DPP6: variants seen among roughly 807,000 people sequenced by gnomAD.
DPP6 encodes the protein dipeptidyl peptidase like 6.
Under a neutral mutation model 122.6 loss-of-function variants are expected in DPP6, and 69 were observed. The observed-to-expected ratio is 0.56, with a 90% CI of 0.46 to 0.69. The LOEUF is 0.69. Among genes scored for constraint, DPP6 ranks in the 30% least tolerant of loss-of-function variants. DPP6 has a pLI of 0.00. For synonymous variants in DPP6, 418 were observed against 433.1 expected (o/e 0.97, Z 0.43); for missense variants, 928 against 1,116.9 (o/e 0.83, Z 2.41).
At chr7:154,469,850 T>TG (rs1465754864) in intron 2 of DPP6, among the ~76,000 whole-genome samples, 1 of 152,238 alleles carries the variant, frequency 6.6e-6, no homozygotes, top group African/African-American at 2.4e-5. Context: ...ATGTGTTTCC[T>TG]GCATTCTCAT....
At chr7:154,056,616 A>G (rs1800837731) in intron 1 of DPP6, among the ~76,000 whole-genome samples, 1 of 152,204 alleles carries the variant, frequency 6.6e-6, no homozygotes, top group Non-Finnish European at 1.5e-5. Flanking sequence ...TGTGATGACA[A>G]CAGGATTTTA....
Position 154,603,843 on chromosome 7 carries a change from G to A in DPP6, c.628-33978G>A, listed in dbSNP as rs1833502245. ...GTCAAAAAATGCCCAACTAATCTATGAAAATAAAAGTCAGGTTCGGATGTA... is the reference window on the plus strand; with the variant it reads ...GTCAAAAAATGCCCAACTAATCTATAAAAATAAAAGTCAGGTTCGGATGTA... On this transcript the variant is annotated intron_variant, in intron 5 of 25. Transcript: ENST00000377770. Among the ~76,000 whole-genome samples the A allele has an allele frequency of 1.7e-5, 2 of 117,936 alleles. 1 individual carries two copies. The highest frequency in any genetic ancestry group is 2.0e-4 in the Admixed American group (2 of 10,226). The allele number at this position is 117,936 out of a possible 152,430, so 77.4% of individuals were successfully genotyped here. A position where few individuals can be genotyped will look rare whatever the true frequency, so the allele number is the denominator to read the frequency against.
At chr7:154,579,022 C>A (rs1831869713) in intron 5 of DPP6, among the ~76,000 whole-genome samples, 3 of 152,186 alleles carry the variant, frequency 2.0e-5, no homozygotes, top group Admixed American at 2.0e-4. Context: ...GCTCTGAATT[C>A]TTTCTGGCTG....
intron 1 of DPP6, among the ~76,000 whole-genome samples, chr7:154,073,846 T>C (rs1202787161): frequency 3.3e-5 from 5 of 152,036 alleles, no homozygotes; most frequent in Non-Finnish European, 7.4e-5. Context: ...ATTAGCTGGG[T>C]CTAGTGATGG....
chr7:154,679,036 G>A (rs187104151), intron 7 of DPP6, among the ~76,000 whole-genome samples: 25 of 152,350 alleles, frequency 1.6e-4, no homozygotes, highest in Admixed American at 1.4e-3. Context: ...TCAGATGGAA[G>A]TCTGGTGTGT....
chr7:154,426,274 C>T (rs1817902917), intron 1 of DPP6, among the ~76,000 whole-genome samples: 1 of 152,126 alleles, frequency 6.6e-6, no homozygotes, highest in African/African-American at 2.4e-5. Context: ...AACATTTTGG[C>T]TTTTTATTGT....
chr7:153,932,883 G>GGGA (rs1801237302), intron 1 of DPP6, among the ~76,000 whole-genome samples: 3 of 152,156 alleles, frequency 2.0e-5, no homozygotes. Context: ...ATCCCCACGT[G>GGGA]TTATGGGCGG....
chr7:153,923,461 T>C (rs1171668936), intron 1 of DPP6, among the ~76,000 whole-genome samples: 1 of 152,242 alleles, frequency 6.6e-6, no homozygotes, highest in Admixed American at 6.5e-5. Flanking sequence ...TGTTCATGAA[T>C]AGAAGGTTCC....
chr7:154,662,235 C>T (rs1156230630), intron 6 of DPP6, among the ~76,000 whole-genome samples: 1 of 151,588 alleles, frequency 6.6e-6, no homozygotes, highest in Non-Finnish European at 1.5e-5. Flanking sequence ...TGGTGAATCA[C>T]CATGGCGTAT....
intron 1 of DPP6, among the ~76,000 whole-genome samples, chr7:153,938,320 T>C (rs1452340651): frequency 1.3e-5 from 2 of 152,184 alleles, no homozygotes; most frequent in East Asian, 3.9e-4. Context: ...AGTCCTGCCA[T>C]TGGGTTGGCT....
chr7:154,192,620 C>T (rs1268310966), intron 1 of DPP6, among the ~76,000 whole-genome samples: 1 of 152,204 alleles, frequency 6.6e-6, no homozygotes, highest in African/African-American at 2.4e-5. Flanking sequence ...GCCCAGAAGG[C>T]AGAAGCTTGA....
At chr7:154,780,059 G>A (rs1020851826) in intron 10 of DPP6, among the ~76,000 whole-genome samples, 9 of 152,148 alleles carry the variant, frequency 5.9e-5, no homozygotes, top group Admixed American at 5.9e-4. Context: ...TCATCTTAGG[G>A]GGCACCAGTT....
rs146749635 is a variant in DPP6, at chr7:154,416,555, A to G, written c.244-29659A>G. Among the ~76,000 whole-genome samples the G allele has an allele frequency of 2.2e-3, 338 of 152,220 alleles. 1 individual carries two copies. The highest frequency in any genetic ancestry group is 4.1e-3 in the Non-Finnish European group (276 of 68,010). On this transcript the variant is annotated intron_variant, in intron 1 of 25. Coordinates refer to ENST00000377770, the MANE Select transcript of DPP6 (RefSeq NM_130797.4). ...AAAATAAAATCTCTTACTGTGCCTC[A>G]CTTATAAATGACACTGTATCATAGC...
intron 1 of DPP6, among the ~76,000 whole-genome samples, chr7:153,960,730 T>TGC (rs767734281): frequency 1.2e-4 from 17 of 146,088 alleles, no homozygotes; most frequent in Non-Finnish European, 1.5e-5. Context: ...TGTGTGTGTG[T>TGC]GCATATTTGT....
chr7:154,339,639 G>GT (rs4043175), intron 1 of DPP6, among the ~76,000 whole-genome samples: 5 of 151,064 alleles, frequency 3.3e-5, no homozygotes, highest in South Asian at 2.1e-4. Flanking sequence ...AAACACACTA[G>GT]TTTTTTTTTT....
intron 16 of DPP6, among the ~76,000 whole-genome samples, chr7:154,822,367 G>C (rs1236896312): frequency 6.6e-6 from 1 of 152,172 alleles, no homozygotes; most frequent in Admixed American, 6.5e-5. Context: ...GTCCTCACAT[G>C]GTGGAAGGGG....
At position 154,278,539 on chromosome 7, in the gene DPP6, G is replaced by A. The variant is rs570721636; in HGVS notation, c.244-167675G>A. Among the ~76,000 whole-genome samples, 25 of 152,276 alleles carry A rather than the reference G, an allele frequency of 1.6e-4. 1 individual carries two copies. The East Asian group carries it at 2.9e-3, about 18-fold the overall frequency. ...ATTGAGCATGTGGGTCTGTTCCCTC[G>A]AATGAAAAATACATGCAAATAAAAA... On this transcript the variant is annotated intron_variant, in intron 1 of 25. Coordinates refer to ENST00000377770, the MANE Select transcript of DPP6 (RefSeq NM_130797.4).
chr7:154,678,289 C>T (rs1166308193), intron 7 of DPP6, among the ~76,000 whole-genome samples: 1 of 152,210 alleles, frequency 6.6e-6, no homozygotes, highest in African/African-American at 2.4e-5. Context: ...GTGTTCTTTC[C>T]TTCTTCACAA....
chr7:154,256,422 C>T (rs550160867), intron 1 of DPP6, among the ~76,000 whole-genome samples: 5 of 152,276 alleles, frequency 3.3e-5, no homozygotes, highest in Non-Finnish European at 5.9e-5. Flanking sequence ...AACTGGACGC[C>T]GTCACGGAAA....
Sources: gnomAD v4.1 joint callset for allele counts (sites outside exome capture counted in the v4.1 genomes callset) on GRCh38, gnomAD v4.1.1 for gene constraint, MANE v1.5 for transcripts, NCBI Gene and HGNC (gene_info 2026-07-23, HGNC 2026-07-21) for gene names.